DNAJC16: variants seen among roughly 807,000 people sequenced by gnomAD.
DNAJC16 encodes the protein dnaJ homolog subfamily C member 16.
A neutral mutation model predicts 92.7 loss-of-function variants in DNAJC16; 76 were observed. The observed-to-expected ratio is 0.82, with a 90% CI of 0.68 to 0.99. DNAJC16 has a LOEUF of 0.99. Among genes scored for constraint, DNAJC16 ranks in the 50% least tolerant of loss-of-function variants. The pLI is 0.00. For missense variants in DNAJC16, 869 were observed against 942.4 expected (o/e 0.92, Z 1.02); for synonymous variants, 328 against 358.7 (o/e 0.91, Z 0.97).
At chr1:15,557,333 T>G (rs977517063) in intron 7 of DNAJC16, among the ~76,000 whole-genome samples, 3 of 152,232 alleles carry the variant, frequency 2.0e-5, no homozygotes, top group African/African-American at 7.2e-5. Context: ...TTTTAACTTC[T>G]GCATTGTAGG....
chr1:15,562,362 A>G, intron 9 of DNAJC16, 37 bp downstream of exon 9: 1 of 1,559,712 alleles, frequency 6.4e-7, no homozygotes, highest in Non-Finnish European at 8.7e-7. Flanking sequence ...CAGGCTCTTC[A>G]TAACCATGTG....
At chr1:15,530,236 G>A (rs1468694898) in intron 2 of DNAJC16, among the ~76,000 whole-genome samples, 1 of 149,792 alleles carries the variant, frequency 6.7e-6, no homozygotes, top group Non-Finnish European at 1.5e-5. Flanking sequence ...GGGCAACATA[G>A]TGACACCTCA....
intron 4 of DNAJC16, among the ~76,000 whole-genome samples, chr1:15,540,484 AC>A (rs1218973945): frequency 6.6e-6 from 1 of 152,106 alleles, no homozygotes; most frequent in African/African-American, 2.4e-5. Flanking sequence ...GTTAATCGTC[AC>A]AGATCCCAGA....
chr1:15,540,465 A>G (rs1570906635), intron 4 of DNAJC16, among the ~76,000 whole-genome samples: 1 of 152,120 alleles, frequency 6.6e-6, no homozygotes, highest in Non-Finnish European at 1.5e-5. Flanking sequence ...TTTTTTTTAG[A>G]CTCATCACGT....
intron 7 of DNAJC16, among the ~76,000 whole-genome samples, chr1:15,554,049 C>G (rs949370235): frequency 6.6e-6 from 1 of 152,050 alleles, no homozygotes; most frequent in Non-Finnish European, 1.5e-5. Context: ...ACAAAAAATA[C>G]AAAATTAGCT....
At chr1:15,531,645 TTATGA>T (rs1274074206) in intron 2 of DNAJC16, among the ~76,000 whole-genome samples, 1 of 152,236 alleles carries the variant, frequency 6.6e-6, no homozygotes, top group African/African-American at 2.4e-5. Context: ...GAAAAGGGTG[TTATGA>T]TATTAATTAA....
At chr1:15,552,793 A>G (rs1485286201) in intron 7 of DNAJC16, among the ~76,000 whole-genome samples, 4 of 144,758 alleles carry the variant, frequency 2.8e-5, no homozygotes, top group Non-Finnish European at 6.0e-5. Flanking sequence ...TTGGAGACAC[A>G]GTCTTGCTCT....
intron 7 of DNAJC16, among the ~76,000 whole-genome samples, chr1:15,555,326 G>A (rs1294992768): frequency 1.3e-5 from 2 of 151,146 alleles, no homozygotes; most frequent in African/African-American, 2.4e-5. Flanking sequence ...GGCGGAGGTT[G>A]CAGTGAGCCA....
At chr1:15,563,897 C>A in intron 9 of DNAJC16, 32 bp from the exon 10 acceptor site, 2 of 1,541,080 alleles carry the variant, frequency 1.3e-6, no homozygotes, top group African/African-American at 1.4e-5. Context: ...GCTTTTGAAA[C>A]TTCTGATGTT....
intron 11 of DNAJC16, 58 bp from the exon 12 acceptor site, chr1:15,565,861 T>G (rs1638793857): frequency 1.3e-6 from 2 of 1,537,168 alleles, no homozygotes; most frequent in Non-Finnish European, 1.8e-6. Flanking sequence ...TTTTATCTTT[T>G]TTTAGCTGGA....
chr1:15,544,721 T>A, intron 5 of DNAJC16, 138 bp downstream of exon 5: 1 of 782,764 alleles, frequency 1.3e-6, no homozygotes, highest in Non-Finnish European at 2.0e-6. Flanking sequence ...ATTAATTAAT[T>A]AATTACTCAA....
chr1:15,563,800 A>G, intron 9 of DNAJC16, 129 bp from the exon 10 acceptor site: 1 of 904,450 alleles, frequency 1.1e-6, no homozygotes, highest in Non-Finnish European at 1.7e-6. Context: ...CAGTGAGCCA[A>G]GATCACGCCA....
chr1:15,567,914 G>A lies in DNAJC16; in HGVS notation c.2086G>A (p.Gly696Ser). 6.2e-7 allele frequency: 1 copy of A among 1,614,204 alleles called. No individual in the cohort carries two copies. Among genetic ancestry groups the A allele is most frequent in the Non-Finnish European group, 8.5e-7 (1 of 1,180,044 alleles). ...GCATTTCATGGAGCGTGACTACACT[G>A]GTTATGTACTGGCTCTGAATGGCCA... ...DKHFMERDYT[G>S]YVLALNGHKK... The change falls in exon 15 of 15, where the codon GGT becomes AGT. Residue 696 changes from glycine to serine, a missense_variant. Physicochemically the swap from Gly to Ser is moderately conservative, Grantham distance 56 (BLOSUM62 0). Coordinates refer to ENST00000375847, the MANE Select transcript of DNAJC16 (RefSeq NM_015291.4).
chr1:15,566,416 T>G, intron 13 of DNAJC16: 1 of 519,764 alleles, frequency 1.9e-6, no homozygotes, highest in Non-Finnish European at 3.4e-6. Flanking sequence ...ATCAGGCAAG[T>G]GTTAGGTGAG....
intron 8 of DNAJC16, among the ~76,000 whole-genome samples, chr1:15,560,831 C>T (rs563176885): frequency 6.6e-6 from 1 of 152,204 alleles, no homozygotes; most frequent in South Asian, 2.1e-4. Context: ...CCCAGCGAGA[C>T]CCCCCTGGCA....
In DNAJC16 at chr1:15,563,916, ACTTTT is replaced by A. The variant is rs1638749995; in HGVS notation, c.1339-9_1339-5del. On this transcript the variant is annotated splice_region_variant and splice_polypyrimidine_tract_variant and intron_variant, in intron 9 of 14. Coordinates refer to ENST00000375847, the MANE Select transcript of DNAJC16 (RefSeq NM_015291.4). ...TTGAAACTTCTGATGTTTTTTCTCT[ACTTTT>A]CTTCCAGGTGTCTATTTTAGAAAGG... The A allele has an allele frequency of 6.3e-7, 1 of 1,589,966 alleles. No individual in the cohort carries two copies. Among genetic ancestry groups the A allele is most frequent in the Admixed American group, 1.9e-5 (1 of 53,398 alleles).
In DNAJC16 at chr1:15,566,115, A is replaced by G. The variant is rs147418658; in HGVS notation, c.1713A>G (p.Pro571=). The change falls in exon 13 of 15, where the codon CCA becomes CCG. Residue 571 remains proline (P), a synonymous_variant. Transcript: ENST00000375847. ...DSNDERESSP[P]EKEEAQEKTG... The stretch of plus-strand genomic sequence containing the variant: ...ATGATGAGCGAGAGTCAAGCCCTCC[A>G]GAAAAAGAGGAAGCCCAAGAGAAGA... The G allele has an allele frequency of 5.0e-6, 8 of 1,613,922 alleles. No homozygotes were observed. The African/African-American group carries it at 1.1e-4, about 22-fold the overall frequency.
At chr1:15,551,131 A>C (rs1638433173) in intron 7 of DNAJC16, among the ~76,000 whole-genome samples, 1 of 152,166 alleles carries the variant, frequency 6.6e-6, no homozygotes, top group African/African-American at 2.4e-5. Flanking sequence ...CAGTCTCCCA[A>C]AGTGGTGGGA....
At chr1:15,556,707 C>T (rs2103421856) in intron 7 of DNAJC16, among the ~76,000 whole-genome samples, 1 of 152,182 alleles carries the variant, frequency 6.6e-6, no homozygotes, top group Middle Eastern at 3.4e-3. Context: ...TGACATTACT[C>T]CTGACAGCTG....
Sources: gnomAD v4.1 joint callset for allele counts (sites outside exome capture counted in the v4.1 genomes callset) on GRCh38, gnomAD v4.1.1 for gene constraint, MANE v1.5 for transcripts, NCBI Gene and HGNC (gene_info 2026-07-23, HGNC 2026-07-21) for gene names.